Variants in ITGAX observed in about 807,000 individuals in gnomAD.
The protein encoded by ITGAX is integrin alpha-X.
Under a neutral mutation model 140.2 loss-of-function variants are expected in ITGAX, and 99 were observed. The ratio of observed to expected loss-of-function variants is 0.71; its 90% CI spans 0.60 to 0.83. The LOEUF (loss-of-function observed/expected upper bound fraction) is 0.83. ITGAX is among the 40% of genes least tolerant of loss of function. The probability of loss-of-function intolerance (pLI) is 0.00; values close to 1 mark genes in which losing one functional copy is unlikely to be tolerated. For synonymous variants in ITGAX, 631 were observed against 600.4 expected (o/e 1.05, Z -0.75); for missense variants, 1,444 against 1,482.0 (o/e 0.97, Z 0.42).
chr16:31,380,156 G>A (rs2081055290), intron 26 of ITGAX, 91 bp downstream of exon 26: 1 of 1,529,850 alleles, frequency 6.5e-7, no homozygotes, highest in Non-Finnish European at 9.0e-7. Context: ...TCCTGCTGAA[G>A]TACCCTCTTG....
At chr16:31,364,296 G>A (rs12930660) in intron 14 of ITGAX, among the ~76,000 whole-genome samples, 53,630 of 151,390 alleles carry the variant, frequency 0.35, 10,237 homozygotes, top group African/African-American at 0.48. Flanking sequence ...TTGTGGTGCT[G>A]TAGTAACTGT....
At position 31,376,935 on chromosome 16, in the gene ITGAX, C is replaced by T; in HGVS notation, c.2625+20C>T. 1 of 1,613,742 alleles carries T rather than the reference C, an allele frequency of 6.2e-7. No individual in the cohort carries two copies. The highest frequency in any genetic ancestry group is 8.5e-7 in the Non-Finnish European group (1 of 1,179,622). ...GCCCAGGTCAGCCTGGCTTCTGTCC[C>T]CTCACTGCTCCCCTGCCCCACCCTG... On this transcript the variant is annotated intron_variant, in intron 21 of 29. Transcript: ENST00000268296.
chr16:31,377,123 T>C, intron 22 of ITGAX, 44 bp downstream of exon 22: 1 of 1,611,570 alleles, frequency 6.2e-7, no homozygotes, highest in Non-Finnish European at 8.5e-7. Flanking sequence ...ATCTCCAGCC[T>C]CACACCCCAT....
chr16:31,376,960 G>C lies in ITGAX; in HGVS notation c.2626-40G>C, dbSNP rs757238414. On this transcript the variant is annotated intron_variant, in intron 21 of 29. Transcript: ENST00000268296. ...CCTCACTGCTCCCCTGCCCCACCCT[G>C]TCTTTACTGCTCTGTGACCTCTCAG... The C allele has an allele frequency of 7.4e-6, 12 of 1,613,674 alleles. No individual in the cohort carries two copies. In the East Asian group the frequency reaches 2.7e-4, roughly 36 times the overall value.
intron 14 of ITGAX, among the ~76,000 whole-genome samples, chr16:31,370,643 T>A (rs2080945987): frequency 2.0e-5 from 3 of 152,154 alleles, no homozygotes; most frequent in Admixed American, 2.0e-4. Context: ...TTAATACTCA[T>A]TGTGATATAT....
intron 12 of ITGAX, 62 bp from the exon 13 acceptor site, chr16:31,362,873 A>G: frequency 1.2e-6 from 2 of 1,607,718 alleles, no homozygotes; most frequent in Non-Finnish European, 1.7e-6. Context: ...GAGAGGTGGG[A>G]CCTGGCCCAC....
intron 14 of ITGAX, 67 bp from the exon 15 acceptor site, chr16:31,371,017 C>A: frequency 6.2e-7 from 1 of 1,603,498 alleles, no homozygotes. Flanking sequence ...CCATATTCCC[C>A]TTGTTACTTA....
chr16:31,370,884 A>G (rs527334047), intron 14 of ITGAX, among the ~76,000 whole-genome samples, 200 bp from the exon 15 acceptor site: 2 of 151,770 alleles, frequency 1.3e-5, no homozygotes, highest in Non-Finnish European at 2.9e-5. Context: ...CACCCTTCCT[A>G]TCTCCACTCT....
chr16:31,381,840 A>G lies in ITGAX; in HGVS notation c.3425A>G (p.Glu1142Gly), dbSNP rs954464465. 1 of 874,026 alleles carries G rather than the reference A, an allele frequency of 1.1e-6. No individual in the cohort carries two copies. 54.1% of individuals were successfully genotyped at this position (874,026 alleles called of 1,614,324 possible). A position where few individuals can be genotyped will look rare whatever the true frequency, so the allele number is the denominator to read the frequency against. ...FFKRQYKEMM[E>G]EANGQIAPEN... Reference sequence around the variant, plus strand: ...AAGCGTCAGTACAAGGAAATGATGGAGGAGGCAAATGGACAAATTGCCCCA... The same window carrying G: ...AAGCGTCAGTACAAGGAAATGATGGGGGAGGCAAATGGACAAATTGCCCCA... Residue 1142 changes from glutamate to glycine, a missense_variant, in exon 30 of 30, where the codon GAG becomes GGG. Glu to Gly is a moderately conservative substitution (Grantham distance 98). Coordinates refer to ENST00000268296, the MANE Select transcript of ITGAX (RefSeq NM_000887.5).
intron 20 of ITGAX, among the ~76,000 whole-genome samples, chr16:31,375,004 TTTCTTTCTTTTCC>T (rs1327681565): frequency 6.6e-6 from 1 of 152,158 alleles, no homozygotes; most frequent in Non-Finnish European, 1.5e-5. Context: ...TTTCTTTTTC[TTTCTTTCTTTTCC>T]TTCTTTCTTT....
chr16:31,380,071 G>T lies in ITGAX; in HGVS notation c.3060+6G>T. 2 of 1,613,770 alleles carry T rather than the reference G, an allele frequency of 1.2e-6. No individual in the cohort carries two copies. Among genetic ancestry groups the T allele is most frequent in the African/African-American group, 1.3e-5 (1 of 75,036 alleles). ...TTCAGAAGAATCCCGTGCTGGTGAG[G>T]AGGGCTCTGGGCTGGCCCTCACTGT... On this transcript the variant is annotated splice_donor_region_variant and intron_variant, in intron 26 of 29. Transcript: ENST00000268296.
At chr16:31,365,039 A>C (rs200904186) in intron 14 of ITGAX, among the ~76,000 whole-genome samples, 1 of 140,300 alleles carries the variant, frequency 7.1e-6, no homozygotes, top group Non-Finnish European at 1.6e-5. Context: ...AACAAACAAA[A>C]AGTTAAACAT....
intron 7 of ITGAX, 78 bp downstream of exon 7, chr16:31,360,143 G>A: frequency 6.4e-7 from 1 of 1,562,364 alleles, no homozygotes; most frequent in Non-Finnish European, 8.7e-7. Context: ...CCACGAGAAG[G>A]GGACAGGCAG....
chr16:31,362,304 T>C, intron 11 of ITGAX, 100 bp downstream of exon 11: 1 of 953,914 alleles, frequency 1.0e-6, no homozygotes, highest in Non-Finnish European at 1.3e-6. Flanking sequence ...CTGCCCAGGG[T>C]GGGGTCCAGG....
intron 14 of ITGAX, among the ~76,000 whole-genome samples, chr16:31,369,052 C>T (rs2080924088): frequency 1.3e-5 from 2 of 152,226 alleles, no homozygotes; most frequent in Non-Finnish European, 2.9e-5. Flanking sequence ...AATCTTTTCC[C>T]CACCTTTCCC....
At chr16:31,356,908 G>A (rs2080766876) in intron 3 of ITGAX, 123 bp from the exon 4 acceptor site, 2 of 941,958 alleles carry the variant, frequency 2.1e-6, no homozygotes, top group Non-Finnish European at 3.2e-6. Context: ...GCTCTGTCAA[G>A]ACCCGACAGC....
intron 14 of ITGAX, among the ~76,000 whole-genome samples, chr16:31,368,898 A>G (rs1269661396): frequency 6.6e-6 from 1 of 152,124 alleles, no homozygotes; most frequent in African/African-American, 2.4e-5. Context: ...GACACAGCAC[A>G]TGTTTCAGAG....
At chr16:31,364,853 C>CAA (rs56670313) in intron 14 of ITGAX, among the ~76,000 whole-genome samples, 630 of 106,162 alleles carry the variant, frequency 5.9e-3, no homozygotes, top group African/African-American at 0.02. Flanking sequence ...ACTAAAAATA[C>CAA]AAAAAAAAAA....
chr16:31,372,198 A>AG (rs1049874342), intron 17 of ITGAX, among the ~76,000 whole-genome samples, 180 bp from the exon 18 acceptor site: 1 of 151,678 alleles, frequency 6.6e-6, no homozygotes, highest in African/African-American at 2.4e-5. Context: ...AAGACAAACA[A>AG]GGGGAGAGAA....
Sources: allele counts gnomAD v4.1 joint callset (sites outside exome capture counted in the v4.1 genomes callset), GRCh38; gene constraint gnomAD v4.1.1; transcripts MANE v1.5; gene names NCBI Gene and HGNC (gene_info 2026-07-23, HGNC 2026-07-21).